NINL: variants seen among roughly 807,000 people sequenced by gnomAD.
The protein encoded by NINL is ninein like.
A neutral mutation model predicts 160.3 loss-of-function variants in NINL; 153 were observed. The ratio of observed to expected loss-of-function variants is 0.95; its 90% CI spans 0.84 to 1.09. NINL has a LOEUF of 1.09. NINL is among the 50% of genes least tolerant of loss of function. The pLI is 0.00. For missense variants in NINL, 1,829 were observed against 1,764.0 expected (o/e 1.04, Z -0.66); for synonymous variants, 800 against 734.8 (o/e 1.09, Z -1.43).
chr20:25,482,130 A>G (rs2063403267), intron 13 of NINL, 30 bp from the exon 14 acceptor site: 2 of 1,579,976 alleles, frequency 1.3e-6, no homozygotes, highest in Non-Finnish European at 1.7e-6. Context: ...CACCTCCTCT[A>G]GCAGCTGCAG....
intron 1 of NINL, among the ~76,000 whole-genome samples, chr20:25,557,883 C>T (rs926295905): frequency 1.3e-5 from 2 of 151,424 alleles, no homozygotes; most frequent in Non-Finnish European, 2.9e-5. Flanking sequence ...AATCCCAGCA[C>T]TTTGGAAGGC....
intron 19 of NINL, 22 bp from the exon 20 acceptor site, chr20:25,462,563 T>A (rs1475747743): frequency 1.3e-6 from 2 of 1,581,812 alleles, no homozygotes; most frequent in Non-Finnish European, 1.7e-6. Flanking sequence ...AGTTTTTAAA[T>A]ACATAAGAAA....
At chr20:25,543,483 G>A (rs960450887) in intron 1 of NINL, among the ~76,000 whole-genome samples, 1 of 152,184 alleles carries the variant, frequency 6.6e-6, no homozygotes, top group Non-Finnish European at 1.5e-5. Flanking sequence ...AATAGGCTCT[G>A]GAGGAGGGAA....
At position 25,455,819 on chromosome 20, in the gene NINL, A is replaced by C. The variant is rs776321793; in HGVS notation, c.3844-33T>G. ...AAAAGAAGGTTGCAGGTGGCCGGGCATGGTGGCTCACGCCTCTAATCCCAG... is the reference window on the plus strand; with the variant it reads ...AAAAGAAGGTTGCAGGTGGCCGGGCCTGGTGGCTCACGCCTCTAATCCCAG... On this transcript the variant is annotated intron_variant, in intron 22 of 23. Transcript: ENST00000278886. 2.7e-5 allele frequency: 42 copies of C among 1,573,886 alleles called. 1 individual carries two copies. In the South Asian group the frequency reaches 4.2e-4, roughly 16 times the overall value.
chr20:25,497,018 T>C (rs2063770353), intron 9 of NINL, among the ~76,000 whole-genome samples: 2 of 152,206 alleles, frequency 1.3e-5, no homozygotes, highest in Non-Finnish European at 2.9e-5. Context: ...GCCACGTGAC[T>C]TGGCAAGGAA....
chr20:25,501,239 C>A (rs551434888), intron 7 of NINL, among the ~76,000 whole-genome samples: 1 of 152,378 alleles, frequency 6.6e-6, no homozygotes, highest in African/African-American at 2.4e-5. Context: ...CCAAGGCCCC[C>A]AACACCCAGG....
chr20:25,548,306 C>A (rs2064760064), intron 1 of NINL, among the ~76,000 whole-genome samples: 1 of 152,230 alleles, frequency 6.6e-6, no homozygotes, highest in African/African-American at 2.4e-5. Flanking sequence ...AATTCTCATT[C>A]TCTTGGGCCC....
chr20:25,471,012 T>C (rs190687623), intron 17 of NINL, among the ~76,000 whole-genome samples: 1 of 152,316 alleles, frequency 6.6e-6, no homozygotes, highest in African/African-American at 2.4e-5. Flanking sequence ...CCATGTTCAC[T>C]TCATGTATTT....
chr20:25,540,798 C>T (rs545428103), intron 1 of NINL, among the ~76,000 whole-genome samples: 3 of 152,190 alleles, frequency 2.0e-5, no homozygotes, highest in Non-Finnish European at 4.4e-5. Flanking sequence ...CACACTCCGG[C>T]AGTTCTGAGC....
At chr20:25,558,310 C>A (rs1306738906) in intron 1 of NINL, among the ~76,000 whole-genome samples, 1 of 152,150 alleles carries the variant, frequency 6.6e-6, no homozygotes, top group East Asian at 1.9e-4. Flanking sequence ...TGGATTCAAG[C>A]GATTCTCCTG....
At position 25,476,734 on chromosome 20, in the gene NINL, A is replaced by C; in HGVS notation, c.2557T>G (p.Cys853Gly). The C allele has an allele frequency of 6.2e-7, 1 of 1,606,020 alleles. No individual in the cohort carries two copies. Among genetic ancestry groups the C allele is most frequent in the Non-Finnish European group, 8.5e-7 (1 of 1,179,202 alleles). The stretch of plus-strand genomic sequence containing the variant: ...AGCCAGGCCAGTGGCCGCTCCCCAC[A>C]GCCCGGACGCAGTGGTAGGAGGCCA... ...TRGLLPLRPGCGERPLAWLAP... is the reference protein window; with the variant it reads ...TRGLLPLRPGGGERPLAWLAP... Residue 853 changes from cysteine to glycine, a missense_variant, in exon 17 of 24, where the codon TGT becomes GGT. Transcript: ENST00000278886.
intron 1 of NINL, among the ~76,000 whole-genome samples, chr20:25,576,954 T>C (rs897386427): frequency 6.6e-6 from 1 of 152,238 alleles, no homozygotes; most frequent in Non-Finnish European, 1.5e-5. Flanking sequence ...TCTTGAACTA[T>C]GCAGGCTGTG....
chr20:25,497,759 G>A (rs1165931211), intron 9 of NINL, among the ~76,000 whole-genome samples: 2 of 152,172 alleles, frequency 1.3e-5, no homozygotes, highest in Non-Finnish European at 2.9e-5. Context: ...GAGAGGCAGC[G>A]GCAGGACCCC....
intron 1 of NINL, among the ~76,000 whole-genome samples, chr20:25,576,394 C>T (rs2147191410): frequency 6.6e-6 from 1 of 152,294 alleles, no homozygotes; most frequent in African/African-American, 2.4e-5. Flanking sequence ...GCTTGGTTAG[C>T]ATGGTGACTG....
At chr20:25,550,471 G>A (rs182450339) in intron 1 of NINL, among the ~76,000 whole-genome samples, 154 of 152,192 alleles carry the variant, frequency 1.0e-3, no homozygotes, top group Non-Finnish European at 1.9e-3. Flanking sequence ...CCGGCGCTCC[G>A]CAAGCAAGGA....
At chr20:25,507,868 T>C (rs964360330) in intron 5 of NINL, among the ~76,000 whole-genome samples, 1 of 152,230 alleles carries the variant, frequency 6.6e-6, no homozygotes, top group Non-Finnish European at 1.5e-5. Flanking sequence ...TTTCTTAGGC[T>C]GGCAGAAGAG....
intron 2 of NINL, among the ~76,000 whole-genome samples, chr20:25,525,702 C>T (rs2064346199): frequency 6.6e-6 from 1 of 152,044 alleles, no homozygotes; most frequent in African/African-American, 2.4e-5. Context: ...AAATATTATT[C>T]CTTCAAAGTT....
chr20:25,489,063 G>A, intron 13 of NINL, 181 bp downstream of exon 13: 1 of 631,948 alleles, frequency 1.6e-6, no homozygotes, highest in Non-Finnish European at 2.9e-6. Context: ...CGGCCTTCAG[G>A]ATAGGTGGCA....
Position 25,453,583 on chromosome 20 carries a change from G to C in NINL, c.4017C>G (p.His1339Gln), listed in dbSNP as rs144950952. Residue 1339 changes from histidine to glutamine, a missense_variant, in exon 24 of 24, where the codon CAC (histidine) becomes CAG (glutamine). By Grantham distance (24) the His-to-Gln change is conservative (BLOSUM62 0). Transcript: ENST00000278886. ...LLKELYVENAHLVRALQATEE... is the reference protein window; with the variant it reads ...LLKELYVENAQLVRALQATEE... ...CGGTGGCCTGAAGTGCTCTCACCAG[G>C]TGGGCGTTCTCCACGTACAGCTCCT... 17 of 1,613,954 alleles carry C rather than the reference G, an allele frequency of 1.1e-5. No homozygotes were observed. In the Admixed American group the frequency reaches 1.8e-4, roughly 17 times the overall value.
Sources: allele counts gnomAD v4.1 joint callset (sites outside exome capture counted in the v4.1 genomes callset), GRCh38; gene constraint gnomAD v4.1.1; transcripts MANE v1.5; gene names NCBI Gene and HGNC (gene_info 2026-07-23, HGNC 2026-07-21).